The following METTL24 variants were observed in gnomAD, a reference collection of about 807,000 sequenced individuals.
The protein encoded by METTL24 is methyltransferase like 24.
In METTL24, 29 loss-of-function variants were observed where a neutral mutation model predicts 32.7. That is an observed-to-expected ratio of 0.89 (90% confidence interval 0.66 to 1.21). The LOEUF is 1.21. METTL24 is among the 50% of genes most tolerant of loss of function. The pLI, the probability that METTL24 is intolerant of heterozygous loss-of-function variation, is 0.00. For missense variants in METTL24, 439 were observed against 468.1 expected (o/e 0.94, Z 0.57); for synonymous variants, 163 against 179.5 (o/e 0.91, Z 0.73).
At chr6:110,246,642 C>T (rs1305133100) in intron 4 of METTL24, among the ~76,000 whole-genome samples, 6 of 152,172 alleles carry the variant, frequency 3.9e-5, no homozygotes, top group African/African-American at 1.4e-4. Context: ...CTCTTGCTTT[C>T]TGCCCAGTGG....
intron 3 of METTL24, among the ~76,000 whole-genome samples, chr6:110,301,255 C>A (rs1410613449): frequency 6.6e-6 from 1 of 152,202 alleles, no homozygotes; most frequent in Admixed American, 6.5e-5. Context: ...TTTTCTACCA[C>A]CTACTGAATC....
At chr6:110,310,089 A>G (rs1405007274) in intron 3 of METTL24, among the ~76,000 whole-genome samples, 9 of 152,206 alleles carry the variant, frequency 5.9e-5, no homozygotes, top group African/African-American at 2.2e-4. Context: ...TTAAACTATT[A>G]TAAGATGAAA....
intron 1 of METTL24, among the ~76,000 whole-genome samples, chr6:110,343,290 C>T (rs1772398783): frequency 6.6e-6 from 1 of 152,190 alleles, no homozygotes; most frequent in Non-Finnish European, 1.5e-5. Flanking sequence ...TCCCCTGTAC[C>T]ATAACACAGC....
chr6:110,321,749 T>G (rs1287481303), intron 2 of METTL24, among the ~76,000 whole-genome samples: 3 of 152,216 alleles, frequency 2.0e-5, no homozygotes, highest in African/African-American at 7.2e-5. Context: ...AAAATTCCTA[T>G]GATTGTCTCA....
At chr6:110,275,281 C>G (rs73763005) in intron 4 of METTL24, among the ~76,000 whole-genome samples, 13,684 of 152,070 alleles carry the variant, frequency 0.09, 1,123 homozygotes, top group African/African-American at 0.22. Context: ...TCCAGCTCTT[C>G]AAAACCTAAG....
intron 3 of METTL24, among the ~76,000 whole-genome samples, chr6:110,305,969 T>C (rs943635304): frequency 6.6e-6 from 1 of 152,238 alleles, no homozygotes; most frequent in Admixed American, 6.5e-5. Context: ...ATGTGGCACA[T>C]ATCCAATATG....
chr6:110,287,177 G>T (rs1328060020), intron 4 of METTL24, among the ~76,000 whole-genome samples: 3 of 152,130 alleles, frequency 2.0e-5, no homozygotes, highest in Admixed American at 6.5e-5. Flanking sequence ...AAGACATTTT[G>T]CTACACCTCA....
At chr6:110,311,658 G>A (rs12193503) in intron 3 of METTL24, among the ~76,000 whole-genome samples, 1 of 151,690 alleles carries the variant, frequency 6.6e-6, no homozygotes, top group Non-Finnish European at 1.5e-5. Context: ...ATTTTTAGTA[G>A]AAACAGGGTT....
intron 4 of METTL24, among the ~76,000 whole-genome samples, chr6:110,282,707 T>C (rs1292863087): frequency 2.0e-5 from 3 of 151,028 alleles, no homozygotes; most frequent in Non-Finnish European, 3.0e-5. Context: ...AGAGTAATTA[T>C]AAGAAACCCT....
intron 1 of METTL24, 75 bp downstream of exon 1, chr6:110,357,880 G>T: frequency 1.1e-6 from 1 of 882,820 alleles, no homozygotes; most frequent in Non-Finnish European, 1.4e-6. Context: ...TGCGGGACCT[G>T]AGCGCCGGGC....
chr6:110,246,192 A>G lies in METTL24; in HGVS notation c.855T>C (p.Asp285=). 1 of 1,614,156 alleles carries G rather than the reference A, an allele frequency of 6.2e-7. No homozygotes were observed. Among genetic ancestry groups the G allele is most frequent in the Non-Finnish European group, 8.5e-7 (1 of 1,180,018 alleles). The change falls in exon 5 of 5, where the codon GAT becomes GAC. Residue 285 remains aspartate, a synonymous_variant. Transcript: ENST00000338882. ...WKVLENLILE[D]VLEQIGQLIF... is the part of the protein sequence containing the mutation. Reference sequence around the variant, plus strand: ...TGAGCTGTCCAATCTGCTCAAGAACATCTTCCAGAATAAGATTTTCCAAAA... The same window carrying G: ...TGAGCTGTCCAATCTGCTCAAGAACGTCTTCCAGAATAAGATTTTCCAAAA...
intron 1 of METTL24, among the ~76,000 whole-genome samples, chr6:110,344,689 C>CT (rs1167258488): frequency 6.6e-6 from 1 of 152,098 alleles, no homozygotes; most frequent in African/African-American, 2.4e-5. Context: ...GGAAAGGATT[C>CT]TCTATTCAAT....
At chr6:110,351,368 AG>A (rs1224752749) in intron 1 of METTL24, among the ~76,000 whole-genome samples, 1 of 152,196 alleles carries the variant, frequency 6.6e-6, no homozygotes, top group Non-Finnish European at 1.5e-5. Flanking sequence ...CTTGGAAATA[AG>A]GCTATCTATA....
chr6:110,271,285 A>G (rs1770953583), intron 4 of METTL24, among the ~76,000 whole-genome samples: 1 of 151,804 alleles, frequency 6.6e-6, no homozygotes, highest in African/African-American at 2.4e-5. Flanking sequence ...AAGAGCATAC[A>G]CGTTCTTTGT....
intron 1 of METTL24, among the ~76,000 whole-genome samples, chr6:110,356,376 G>A (rs1330466005): frequency 6.6e-6 from 1 of 152,044 alleles, no homozygotes; most frequent in Non-Finnish European, 1.5e-5. Context: ...CCGGGAGACG[G>A]AAGTGGCAGT....
Position 110,326,807 on chromosome 6 carries a change from C to T in METTL24, c.319-3935G>A, listed in dbSNP as rs1053090526. Among the ~76,000 whole-genome samples the T allele has an allele frequency of 2.0e-5, 3 of 152,240 alleles. No homozygotes were observed. The South Asian group carries it at 6.2e-4, about 32-fold the overall frequency. On this transcript the variant is annotated intron_variant, in intron 1 of 4. Transcript: ENST00000338882. The stretch of plus-strand genomic sequence containing the variant: ...CCCTGTCTGCCCCACCCACCAATCT[C>T]CTGCCTCCTGTTGGCCAAACTCAAA...
In METTL24 at chr6:110,245,568, G is replaced by C. The variant is rs1026066791; in HGVS notation, c.*378C>G. On this transcript the variant is annotated 3_prime_UTR_variant, in exon 5 of 5. Coordinates refer to ENST00000338882, the MANE Select transcript of METTL24 (RefSeq NM_001123364.3). ...CAAATTTAAAACCCTATTTTAAACA[G>C]TAGGGGAAGAACTTAAAAATCTCAC... 1.3e-5 allele frequency among the ~76,000 whole-genome samples: 2 copies of C among 152,186 alleles called. No homozygotes were observed. Among genetic ancestry groups the C allele is most frequent in the African/African-American group, 4.8e-5 (2 of 41,438 alleles).
At chr6:110,259,384 G>C (rs1303979747) in intron 4 of METTL24, among the ~76,000 whole-genome samples, 1 of 152,226 alleles carries the variant, frequency 6.6e-6, no homozygotes, top group African/African-American at 2.4e-5. Flanking sequence ...ACAGCAGTCT[G>C]AGATCAAACT....
intron 4 of METTL24, among the ~76,000 whole-genome samples, chr6:110,274,391 A>G (rs1771008840): frequency 6.6e-6 from 1 of 152,118 alleles, no homozygotes; most frequent in Admixed American, 6.5e-5. Context: ...CCATTATTCT[A>G]AATGAAGTAA....
Sources: allele counts gnomAD v4.1 joint callset (sites outside exome capture counted in the v4.1 genomes callset), GRCh38; gene constraint gnomAD v4.1.1; transcripts MANE v1.5; gene names NCBI Gene and HGNC (gene_info 2026-07-23, HGNC 2026-07-21).